Variants in JAG1 observed in about 807,000 individuals in gnomAD.
The protein encoded by JAG1 is jagged canonical Notch ligand 1.
In JAG1, 23 loss-of-function variants were observed where a neutral mutation model predicts 148.7. The ratio of observed to expected loss-of-function variants is 0.15; its 90% CI spans 0.11 to 0.22. The LOEUF (loss-of-function observed/expected upper bound fraction) is 0.22, where lower values mean the gene tolerates loss of function less well. JAG1 is among the 10% of genes least tolerant of loss of function. The pLI is 1.00. For missense variants in JAG1, 1,054 were observed against 1,611.2 expected, an observed-to-expected ratio of 0.65 and a Z score of 5.92; for synonymous variants, 572 against 598.3, an observed-to-expected ratio of 0.96 and a Z score of 0.64.
At chr20:10,668,104 A>AAAAAC (rs1365740651) in intron 2 of JAG1, among the ~76,000 whole-genome samples, 1 of 151,430 alleles carries the variant, frequency 6.6e-6, no homozygotes, top group Admixed American at 6.6e-5. Flanking sequence ...AAAAAAAAAA[A>AAAAAC]AAAAAAAAAA....
At chr20:10,648,748 GAC>G (rs1491009593) in intron 11 of JAG1, 26 bp from the exon 12 acceptor site, 3 of 1,609,136 alleles carry the variant, frequency 1.9e-6, no homozygotes, top group Non-Finnish European at 2.6e-6. Flanking sequence ...GGGAGAGAGA[GAC>G]ACATGCTTTT....
rs756810477 is a variant in JAG1, at chr20:10,658,452, A to G, written c.694+16T>C. 10 of 1,546,842 alleles carry G rather than the reference A, an allele frequency of 6.5e-6. No individual in the cohort carries two copies. The highest frequency in any genetic ancestry group is 8.0e-6 in the Non-Finnish European group (9 of 1,129,236). On this transcript the variant is annotated intron_variant, in intron 4 of 25. Coordinates refer to ENST00000254958, the MANE Select transcript of JAG1 (RefSeq NM_000214.3). ...AAGCAACAGGCACACGTGCACATGC[A>G]CACACACACACATACCTCTGTTACA... is the stretch of plus-strand genomic sequence containing the variant.
chr20:10,673,438 A>C lies in JAG1; in HGVS notation c.81+12T>G. The stretch of plus-strand genomic sequence containing the variant: ...GGACGGCTGGGAGGGAGGCCCGGAG[A>C]AGGGCTCCTACCTTGGCTCGCAGGG... On this transcript the variant is annotated intron_variant, in intron 1 of 25. Transcript: ENST00000254958. The surrounding 1 kb of genome is among the most constrained non-coding windows in gnomAD (Gnocchi z 4.7). The C allele has an allele frequency of 6.9e-7, 1 of 1,451,500 alleles. No homozygotes were observed. The highest frequency in any genetic ancestry group is 1.4e-5 in the South Asian group (1 of 70,554). The allele number at this position is 1,451,500 out of a possible 1,614,324, so 89.9% of individuals were successfully genotyped here.
chr20:10,645,284 C>A lies in JAG1; in HGVS notation c.2114-28G>T. On this transcript the variant is annotated intron_variant, in intron 16 of 25. Transcript: ENST00000254958. This position sits in a 1 kb window ranked among gnomAD's most constrained non-coding sequence, Gnocchi z 6.1. ...GGAGGAAAATATTTCAGTGTGAGTC[C>A]CAGTGGCCCCCTCCCACAGAAGACA... 6.2e-7 allele frequency: 1 copy of A among 1,606,710 alleles called. No homozygotes were observed.
At position 10,652,212 on chromosome 20, in the gene JAG1, C is replaced by G. The variant is rs750195672; in HGVS notation, c.925G>C (p.Gly309Arg). The G allele has an allele frequency of 3.8e-5, 61 of 1,613,934 alleles. No homozygotes were observed. In the Admixed American group the frequency reaches 4.0e-4, roughly 11 times the overall value. Reference protein sequence around the residue: ...YCGTHQPCLNGGTCSNTGPDK... With the variant: ...YCGTHQPCLNRGTCSNTGPDK... ...GGGCCTGTGTTGCTACAAGTTCCCC[C>G]GTTGAGACACGGCTGATGAGTCCCA... Residue 309 changes from glycine to arginine, a missense_variant, in exon 7 of 26, where the codon GGG becomes CGG. Coordinates refer to ENST00000254958, the MANE Select transcript of JAG1 (RefSeq NM_000214.3).
At chr20:10,662,113 C>T (rs1416742140) in intron 3 of JAG1, 3 of 152,192 alleles carry the variant, frequency 2.0e-5, no homozygotes, top group Admixed American at 2.0e-4. Context: ...CCATTTCCAC[C>T]AAACCCATCT....
At chr20:10,657,359 A>AAAAC (rs1445077567) in intron 4 of JAG1, among the ~76,000 whole-genome samples, 1 of 151,776 alleles carries the variant, frequency 6.6e-6, no homozygotes, top group Admixed American at 6.6e-5. Context: ...TTAAAAAAAA[A>AAAAC]AAAAAACACC....
rs1242543124 is a variant in JAG1 at position 10,658,594 on chromosome 20, A to C, written c.568T>G (p.Tyr190Asp). 3 of 1,614,240 alleles carry C rather than the reference A, an allele frequency of 1.9e-6. No homozygotes were observed. ...TTATTGCAGCCAAAGCCATAGTAGT[A>C]GTCATCACAGGTCACGCGGATCTGA... The part of the protein sequence containing the change: ...EYQIRVTCDD[Y>D]YYGFGCNKFC... Residue 190 changes from tyrosine (Y) to aspartate (D), a missense_variant, in exon 4 of 26, where the codon TAC becomes GAC. Physicochemically the swap from Tyr to Asp is radical, Grantham distance 160. Around this residue, in one of 6 missense-constraint regions of JAG1, gnomAD observed 104 missense variants for 235.2 expected, o/e 0.44. Transcript: ENST00000254958.
intron 2 of JAG1, among the ~76,000 whole-genome samples, chr20:10,668,056 C>T (rs902174835): frequency 6.9e-6 from 1 of 145,874 alleles, no homozygotes; most frequent in African/African-American, 2.5e-5. Flanking sequence ...CTTCCCAGCA[C>T]ACGCACTGCA....
At chr20:10,643,723 G>C in intron 20 of JAG1, 55 bp downstream of exon 20, 1 of 1,343,524 alleles carries the variant, frequency 7.4e-7, no homozygotes, top group South Asian at 1.2e-5. Context: ...CTTGGGGTGA[G>C]GCATGGAATG....
chr20:10,642,386 C>G (rs2067278505), intron 21 of JAG1, 102 bp downstream of exon 21: 1 of 687,430 alleles, frequency 1.5e-6, no homozygotes, highest in African/African-American at 2.0e-5. Context: ...CTGTGTGTTC[C>G]CTTCCCTGAG....
chr20:10,663,938 A>T, intron 3 of JAG1, 25 bp downstream of exon 3: 5 of 1,606,770 alleles, frequency 3.1e-6, no homozygotes, highest in Middle Eastern at 3.3e-4. Flanking sequence ...GTGTTTAGAG[A>T]AAAGTCCACA....
At position 10,646,925 on chromosome 20, in the gene JAG1, T is replaced by G. The variant is rs771887771; in HGVS notation, c.1885+14A>C. Reference sequence around the variant, plus strand: ...TGGGGAGCACTGGTCCATTCCCGGATGAGGGAGTCTTACTTTCATGGCAGT... The same window carrying G: ...TGGGGAGCACTGGTCCATTCCCGGAGGAGGGAGTCTTACTTTCATGGCAGT... On this transcript the variant is annotated intron_variant, in intron 14 of 25. Coordinates refer to ENST00000254958, the MANE Select transcript of JAG1 (RefSeq NM_000214.3). 1 of 1,613,644 alleles carries G rather than the reference T, an allele frequency of 6.2e-7. No individual in the cohort carries two copies. Among genetic ancestry groups the G allele is most frequent in the Non-Finnish European group, 8.5e-7 (1 of 1,179,720 alleles).
intron 3 of JAG1, chr20:10,662,304 G>C (rs2067422827): frequency 6.6e-6 from 1 of 152,182 alleles, no homozygotes; most frequent in Non-Finnish European, 1.5e-5. Flanking sequence ...GACAACTGTG[G>C]GTAGCTCTGG....
chr20:10,671,376 C>A (rs538235137), intron 2 of JAG1, among the ~76,000 whole-genome samples: 3 of 152,196 alleles, frequency 2.0e-5, no homozygotes, highest in African/African-American at 7.2e-5. Context: ...TTTTTATAAA[C>A]CCCTTTTCAT....
Position 10,673,641 on chromosome 20 carries a change from A to G in JAG1, c.-111T>C, listed in dbSNP as rs1341066111. 5.0e-6 allele frequency: 2 copies of G among 399,620 alleles called. No individual in the cohort carries two copies. Among genetic ancestry groups the G allele is most frequent in the Non-Finnish European group, 7.9e-6 (2 of 252,522 alleles). The allele number at this position is 399,620 out of a possible 1,614,324, so 24.8% of individuals were successfully genotyped here. On this transcript the variant is annotated 5_prime_UTR_variant, in exon 1 of 26. Transcript: ENST00000254958. This position sits in a 1 kb window ranked among gnomAD's most constrained non-coding sequence, Gnocchi z 4.7. ...CCTGCGGCCGCCGCGTCCCGGCTCTAATATACTCCGCCGATTGGAGCATGC... is the reference window on the plus strand; with the variant it reads ...CCTGCGGCCGCCGCGTCCCGGCTCTGATATACTCCGCCGATTGGAGCATGC...
rs1182628158 is a variant in JAG1 at position 10,638,354 on chromosome 20, A to G, written c.*1144T>C. The G allele has an allele frequency of 6.6e-6, 1 of 152,630 alleles. No homozygotes were observed. The highest frequency in any genetic ancestry group is 1.9e-4 in the East Asian group (1 of 5,204). 9.5% of individuals were successfully genotyped at this position (152,630 alleles called of 1,614,324 possible). A position where few individuals can be genotyped will look rare whatever the true frequency, so the allele number is the denominator to read the frequency against. ...TGTACGAATGGTGAAAAGAAATCAG[A>G]ATTTACAAAGTAAGATTGGTGTGCT... On this transcript the variant is annotated 3_prime_UTR_variant, in exon 26 of 26. Transcript: ENST00000254958.
Position 10,646,010 on chromosome 20 carries a change from T to C in JAG1, c.1960A>G (p.Ile654Val). 1 of 1,614,064 alleles carries C rather than the reference T, an allele frequency of 6.2e-7. No homozygotes were observed. The highest frequency in any genetic ancestry group is 1.1e-5 in the South Asian group (1 of 91,080). ...CIDGVNSYKC[I>V]CSDGWEGAYC... ...GCCCCCTCCCAGCCGTCACTACAGA[T>C]GCACTTGTAGGAGTTGACACCATCG... Residue 654 changes from isoleucine to valine, a missense_variant, in exon 15 of 26, where the codon ATC becomes GTC. Ile to Val is a conservative substitution (Grantham distance 29). This residue lies in a region of JAG1 where 35 missense variants were observed against 99.7 expected (regional missense o/e 0.35). Coordinates refer to ENST00000254958, the MANE Select transcript of JAG1 (RefSeq NM_000214.3).
At chr20:10,646,125 G>T in intron 14 of JAG1, 41 bp from the exon 15 acceptor site, 1 of 1,437,926 alleles carries the variant, frequency 7.0e-7, no homozygotes, top group Non-Finnish European at 9.8e-7. Flanking sequence ...TGAAGGACTT[G>T]TGAAGCCATA....
Sources: gnomAD v4.1 joint callset for allele counts (sites outside exome capture counted in the v4.1 genomes callset) on GRCh38, gnomAD v4.1.1 for gene constraint, gnomAD v4.1.1 regional missense constraint, Gnocchi (gnomAD v3.1) non-coding constraint, MANE v1.5 for transcripts, NCBI Gene and HGNC (gene_info 2026-07-23, HGNC 2026-07-21) for gene names.